The following CDC42EP2 variants were observed in gnomAD, a reference collection of about 807,000 sequenced individuals.
CDC42EP2 encodes CDC42 effector protein 2.
CDC42EP2 carries 5 observed loss-of-function variants against 7.3 expected under a neutral mutation model. The observed-to-expected ratio is 0.68, with a 90% CI of 0.36 to 1.44. The LOEUF (loss-of-function observed/expected upper bound fraction) is 1.44. Ranked by LOEUF, CDC42EP2 falls within the 40% of genes most tolerant of loss-of-function variation. The pLI is 0.04. For missense variants in CDC42EP2, 251 were observed against 282.6 expected, an observed-to-expected ratio of 0.89 and a Z score of 0.80; for synonymous variants, 113 against 123.6, an observed-to-expected ratio of 0.91 and a Z score of 0.57.
In CDC42EP2 at chr11:65,321,537, G is replaced by T; in HGVS notation, c.*6G>T. 6.3e-7 allele frequency: 1 copy of T among 1,588,750 alleles called. No homozygotes were observed. Among genetic ancestry groups the T allele is most frequent in the South Asian group, 1.1e-5 (1 of 89,134 alleles). On this transcript the variant is annotated 3_prime_UTR_variant, in exon 2 of 2. Coordinates refer to ENST00000279249, the MANE Select transcript of CDC42EP2 (RefSeq NM_006779.4). This position sits in a 1 kb window ranked among gnomAD's most constrained non-coding sequence, Gnocchi z 4.4. Reference sequence around the variant, plus strand: ...GCATGCAGATCCCCACATAGGACACGAGGCTGCCTAGGCTGGGGTCCCAGG... The same window carrying T: ...GCATGCAGATCCCCACATAGGACACTAGGCTGCCTAGGCTGGGGTCCCAGG...
At position 65,321,358 on chromosome 11, in the gene CDC42EP2, C is replaced by A. The variant is rs1309589403; in HGVS notation, c.460C>A (p.Pro154Thr). 6.2e-7 allele frequency: 1 copy of A among 1,613,942 alleles called. No individual in the cohort carries two copies. The highest frequency in any genetic ancestry group is 8.5e-7 in the Non-Finnish European group (1 of 1,180,032). Residue 154 changes from proline to threonine, a missense_variant, in exon 2 of 2, where the codon CCA becomes ACA. Pro to Thr is a conservative substitution (Grantham distance 38). Transcript: ENST00000279249. This position sits in a 1 kb window ranked among gnomAD's most constrained non-coding sequence, Gnocchi z 4.4. Reference protein sequence around the residue: ...EGGSVDIWRIPETGSPNSGLT... With the variant: ...EGGSVDIWRITETGSPNSGLT... ...AGGGAGTGTGGACATCTGGAGGATT[C>A]CAGAGACTGGCTCCCCCAACAGTGG...
At chr11:65,317,859 T>G (rs1054925006) in intron 1 of CDC42EP2, among the ~76,000 whole-genome samples, 3 of 152,174 alleles carry the variant, frequency 2.0e-5, no homozygotes, top group Non-Finnish European at 4.4e-5. Context: ...AACCTGAAAT[T>G]CTACCACTTT....
chr11:65,317,042 C>G (rs565893056), intron 1 of CDC42EP2: 1 of 152,300 alleles, frequency 6.6e-6, no homozygotes, highest in Non-Finnish European at 1.5e-5. Flanking sequence ...TCTCTCCTGA[C>G]GAGCGACAAA....
rs1171989942 is a variant in CDC42EP2 at position 65,321,400 on chromosome 11, G to A, written c.502G>A (p.Gly168Arg). The A allele has an allele frequency of 6.2e-7, 1 of 1,613,612 alleles. No individual in the cohort carries two copies. Among genetic ancestry groups the A allele is most frequent in the Non-Finnish European group, 8.5e-7 (1 of 1,180,030 alleles). Residue 168 changes from glycine to arginine, a missense_variant, in exon 2 of 2, where the codon GGG (glycine) becomes AGG (arginine). Transcript: ENST00000279249. The surrounding 1 kb of genome is among the most constrained non-coding windows in gnomAD (Gnocchi z 4.4). Reference protein sequence around the residue: ...SPNSGLTPESGAEEPFLSNAS... With the variant: ...SPNSGLTPESRAEEPFLSNAS... ...CAACAGTGGACTGACCCCGGAGTCAGGGGCCGAGGAGCCCTTCCTGTCCAA... is the reference window on the plus strand; with the variant it reads ...CAACAGTGGACTGACCCCGGAGTCAAGGGCCGAGGAGCCCTTCCTGTCCAA...
In CDC42EP2 at chr11:65,320,990, G is replaced by A; in HGVS notation, c.92G>A (p.Ser31Asn). 6.2e-7 allele frequency: 1 copy of A among 1,614,104 alleles called. No individual in the cohort carries two copies. The highest frequency in any genetic ancestry group is 8.5e-7 in the Non-Finnish European group (1 of 1,180,042). Reference protein sequence around the residue: ...LRDLLSSDMISPPLGDFRHTI... With the variant: ...LRDLLSSDMINPPLGDFRHTI... Reference sequence around the variant, plus strand: ...GACCTGCTGTCCTCGGACATGATCAGCCCACCGCTGGGGGACTTCCGCCAC... The same window carrying A: ...GACCTGCTGTCCTCGGACATGATCAACCCACCGCTGGGGGACTTCCGCCAC... The change falls in exon 2 of 2, where the codon AGC (serine) becomes AAC (asparagine). Residue 31 changes from serine (S) to asparagine (N), a missense_variant. Ser to Asn is a conservative substitution (Grantham distance 46). Transcript: ENST00000279249.
chr11:65,321,518 A>C lies in CDC42EP2; in HGVS notation c.620A>C (p.Gln207Pro). 6.2e-7 allele frequency: 1 copy of C among 1,608,404 alleles called. No individual in the cohort carries two copies. Among genetic ancestry groups the C allele is most frequent in the Non-Finnish European group, 8.5e-7 (1 of 1,176,360 alleles). The change falls in exon 2 of 2, where the codon CAG (glutamine) becomes CCG (proline). Residue 207 changes from glutamine to proline, a missense_variant. Coordinates refer to ENST00000279249, the MANE Select transcript of CDC42EP2 (RefSeq NM_006779.4). This position sits in a 1 kb window ranked among gnomAD's most constrained non-coding sequence, Gnocchi z 4.4. ...QIMDQDLDSMQIPT is the reference protein window; with the variant it reads ...QIMDQDLDSMPIPT ...ATGGATCAGGACCTGGACAGCATGC[A>C]GATCCCCACATAGGACACGAGGCTG...
chr11:65,319,252 C>A (rs1281972889), intron 1 of CDC42EP2, among the ~76,000 whole-genome samples: 1 of 151,832 alleles, frequency 6.6e-6, no homozygotes, highest in Non-Finnish European at 1.5e-5. Flanking sequence ...CCTCAGCCTC[C>A]CAAATAGCTG....
At position 65,315,814 on chromosome 11, in the gene CDC42EP2, A is replaced by G. The variant is rs1354796366; in HGVS notation, c.-356+860A>G. 6.6e-6 allele frequency among the ~76,000 whole-genome samples: 1 copy of G among 152,328 alleles called. No homozygotes were observed. Among genetic ancestry groups the G allele is most frequent in the Non-Finnish European group, 1.5e-5 (1 of 68,012 alleles). On this transcript the variant is annotated intron_variant, in intron 1 of 1. Coordinates refer to ENST00000279249, the MANE Select transcript of CDC42EP2 (RefSeq NM_006779.4). This position sits in a 1 kb window ranked among gnomAD's most constrained non-coding sequence, Gnocchi z 4.1. ...GACCCCGGGAGACCCAGCGGCCGCT[A>G]GAGGGTCTCTGCATCCTCGAGGTCT...
intron 1 of CDC42EP2, among the ~76,000 whole-genome samples, chr11:65,318,933 C>CTGTACCCATG (rs1949961116): frequency 8.2e-6 from 1 of 121,960 alleles, no homozygotes; most frequent in Non-Finnish European, 1.6e-5. Flanking sequence ...CTACACAGAC[C>CTGTACCCATG]TGTACCCATG....
In CDC42EP2 at chr11:65,321,429, C is replaced by T. The variant is rs1435545729; in HGVS notation, c.531C>T (p.Ala177=). Residue 177 remains alanine (A), a synonymous_variant, in exon 2 of 2, where the codon GCC becomes GCT. Coordinates refer to ENST00000279249, the MANE Select transcript of CDC42EP2 (RefSeq NM_006779.4). The surrounding 1 kb of genome is among the most constrained non-coding windows in gnomAD (Gnocchi z 4.4). ...SGAEEPFLSN[A]SSLLSLHVDL... ...CCGAGGAGCCCTTCCTGTCCAATGC[C>T]AGCTCCCTGCTGTCCCTGCACGTGG... is the stretch of plus-strand genomic sequence containing the variant. 1 of 1,613,642 alleles carries T rather than the reference C, an allele frequency of 6.2e-7. No homozygotes were observed. The highest frequency in any genetic ancestry group is 8.5e-7 in the Non-Finnish European group (1 of 1,180,012).
rs369767299 is a variant in CDC42EP2 at position 65,321,575 on chromosome 11, A to G, written c.*44A>G. ...CTGGGGTCCCAGGTGGGGCCCAGCC[A>G]GGAGGTGGGGTGTGGACCCGGCCCT... On this transcript the variant is annotated 3_prime_UTR_variant, in exon 2 of 2. Transcript: ENST00000279249. This position sits in a 1 kb window ranked among gnomAD's most constrained non-coding sequence, Gnocchi z 4.4. 1.8e-4 allele frequency: 285 copies of G among 1,550,258 alleles called. No homozygotes were observed. The highest frequency in any genetic ancestry group is 2.3e-4 in the Non-Finnish European group (267 of 1,143,154).
rs1590921706 is a variant in CDC42EP2 at position 65,320,844 on chromosome 11, G to A, written c.-55G>A. 4 of 1,539,272 alleles carry A rather than the reference G, an allele frequency of 2.6e-6. No homozygotes were observed. The East Asian group carries it at 9.1e-5, about 35-fold the overall frequency. Reference sequence around the variant, plus strand: ...TCTGGCTGAGGGTTGGAGAGGAGGTGTGGTCTCAGCAGGCGGCCCGTAGCC... The same window carrying A: ...TCTGGCTGAGGGTTGGAGAGGAGGTATGGTCTCAGCAGGCGGCCCGTAGCC... On this transcript the variant is annotated 5_prime_UTR_variant, in exon 2 of 2. It adds an upstream start codon to the 5' untranslated region. Coordinates refer to ENST00000279249, the MANE Select transcript of CDC42EP2 (RefSeq NM_006779.4).
Position 65,315,035 on chromosome 11 carries a change from G to C in CDC42EP2, c.-356+81G>C, listed in dbSNP as rs113982000. The C allele has an allele frequency of 1.4e-4, 22 of 152,060 alleles. 2 individuals carry two copies. The highest frequency in any genetic ancestry group is 5.1e-4 in the African/African-American group (21 of 41,428). The allele number at this position is 152,060 out of a possible 1,614,324, so 9.4% of individuals were successfully genotyped here. A position where few individuals can be genotyped will look rare whatever the true frequency, so the allele number is the denominator to read the frequency against. On this transcript the variant is annotated intron_variant, in intron 1 of 1. Coordinates refer to ENST00000279249, the MANE Select transcript of CDC42EP2 (RefSeq NM_006779.4). This position sits in a 1 kb window ranked among gnomAD's most constrained non-coding sequence, Gnocchi z 4.1. ...TCTGTGGCGCCCCGCCCCAGCTCGCGCCCTGGCTCTGCCTCTCACCTCACT... is the reference window on the plus strand; with the variant it reads ...TCTGTGGCGCCCCGCCCCAGCTCGCCCCCTGGCTCTGCCTCTCACCTCACT...
rs780002204 is a variant in CDC42EP2, at chr11:65,321,398, CAG to C, written c.501_502del (p.Ala169ArgfsTer25). 5.0e-6 allele frequency: 8 copies of C among 1,613,646 alleles called. No individual in the cohort carries two copies. The African/African-American group carries it at 6.7e-5, about 13-fold the overall frequency. ...CCCAACAGTGGACTGACCCCGGAGT[CAG>C]GGGCCGAGGAGCCCTTCCTGTCCAA... On this transcript the variant is annotated frameshift_variant, in exon 2 of 2. Transcript: ENST00000279249. LOFTEE classifies it high-confidence loss of function. This position sits in a 1 kb window ranked among gnomAD's most constrained non-coding sequence, Gnocchi z 4.4.
chr11:65,321,292 C>T lies in CDC42EP2; in HGVS notation c.394C>T (p.Arg132Cys), dbSNP rs200204535. ...PTAQAPPKPP[R>C]LHLETPQPSP... ...AGCCCAGGCTCCACCCAAGCCCCCT[C>T]GCCTGCACCTGGAGACCCCTCAGCC... The change falls in exon 2 of 2, where the codon CGC becomes TGC. Residue 132 changes from arginine to cysteine, a missense_variant. Transcript: ENST00000279249. The surrounding 1 kb of genome is among the most constrained non-coding windows in gnomAD (Gnocchi z 4.4). The T allele has an allele frequency of 3.7e-5, 60 of 1,613,966 alleles. No individual in the cohort carries two copies. In the African/African-American group the frequency reaches 5.6e-4, roughly 15 times the overall value.
At chr11:65,318,341 G>A (rs1472003307) in intron 1 of CDC42EP2, among the ~76,000 whole-genome samples, 1 of 151,248 alleles carries the variant, frequency 6.6e-6, no homozygotes, top group Non-Finnish European at 1.5e-5. Flanking sequence ...TGCAGCCTCT[G>A]CCTCCCGGGT....
At chr11:65,316,897 A>G (rs543603583) in intron 1 of CDC42EP2, 1 of 152,392 alleles carries the variant, frequency 6.6e-6, no homozygotes, top group Admixed American at 6.5e-5. Context: ...TGTTGTGGAA[A>G]CACTCAGGCT....
Position 65,321,191 on chromosome 11 carries a change from A to G in CDC42EP2, c.293A>G (p.Asp98Gly), listed in dbSNP as rs752134525. 5.6e-6 allele frequency: 9 copies of G among 1,613,718 alleles called. No homozygotes were observed. The highest frequency in any genetic ancestry group is 7.6e-6 in the Non-Finnish European group (9 of 1,179,896). The change falls in exon 2 of 2, where the codon GAC becomes GGC. Residue 98 changes from aspartate to glycine, a missense_variant. By Grantham distance (94) the Asp-to-Gly change is moderately conservative. Transcript: ENST00000279249. This position sits in a 1 kb window ranked among gnomAD's most constrained non-coding sequence, Gnocchi z 4.4. ...ACCGTGTGTGGGCGGGAGCTCCCGGACGGCCCATCCCCTCTGCTCAAGAAC... is the reference window on the plus strand; with the variant it reads ...ACCGTGTGTGGGCGGGAGCTCCCGGGCGGCCCATCCCCTCTGCTCAAGAAC... Reference protein sequence around the residue: ...TATVCGRELPDGPSPLLKNAI... With the variant: ...TATVCGRELPGGPSPLLKNAI...
Position 65,321,244 on chromosome 11 carries a change from C to T in CDC42EP2, c.346C>T (p.Pro116Ser), listed in dbSNP as rs769615050. Reference protein sequence around the residue: ...NAISLPVIGGPQALTLPTAQA... With the variant: ...NAISLPVIGGSQALTLPTAQA... Reference sequence around the variant, plus strand: ...CATCTCCCTCCCGGTTATCGGTGGACCCCAGGCTCTCACCCTGCCCACAGC... The same window carrying T: ...CATCTCCCTCCCGGTTATCGGTGGATCCCAGGCTCTCACCCTGCCCACAGC... The change falls in exon 2 of 2, where the codon CCC becomes TCC. Residue 116 changes from proline (P) to serine (S), a missense_variant. Physicochemically the swap from Pro to Ser is moderately conservative, Grantham distance 74. Coordinates refer to ENST00000279249, the MANE Select transcript of CDC42EP2 (RefSeq NM_006779.4). The surrounding 1 kb of genome is among the most constrained non-coding windows in gnomAD (Gnocchi z 4.4). 1 of 1,613,930 alleles carries T rather than the reference C, an allele frequency of 6.2e-7. No individual in the cohort carries two copies. Among genetic ancestry groups the T allele is most frequent in the South Asian group, 1.1e-5 (1 of 91,076 alleles).
Sources: gnomAD v4.1 joint callset for allele counts (sites outside exome capture counted in the v4.1 genomes callset) on GRCh38, gnomAD v4.1.1 for gene constraint, Gnocchi (gnomAD v3.1) non-coding constraint, MANE v1.5 for transcripts, NCBI Gene and HGNC (gene_info 2026-07-23, HGNC 2026-07-21) for gene names.